Variants in PARD3B observed in about 807,000 individuals in gnomAD.
PARD3B encodes the protein par-3 family cell polarity regulator beta, also known as partitioning defective 3 homolog B.
In PARD3B, 103 loss-of-function variants were observed where a neutral mutation model predicts 130.2. The ratio of observed to expected loss-of-function variants is 0.79; its 90% CI spans 0.67 to 0.93. PARD3B has a LOEUF of 0.93. Among genes scored for constraint, PARD3B ranks in the 40% least tolerant of loss-of-function variants. The pLI is 0.00. For synonymous variants in PARD3B, 583 were observed against 553.2 expected, an observed-to-expected ratio of 1.05 and a Z score of -0.76; for missense variants, 1,609 against 1,499.2, an observed-to-expected ratio of 1.07 and a Z score of -1.21.
At position 204,650,841 on chromosome 2, in the gene PARD3B, A is replaced by T. The variant is rs139956074; in HGVS notation, c.121-35340A>T. 3.3e-5 allele frequency among the ~76,000 whole-genome samples: 5 copies of T among 152,208 alleles called. No homozygotes were observed. The South Asian group carries it at 1.0e-3, about 32-fold the overall frequency. On this transcript the variant is annotated intron_variant, in intron 1 of 22. Transcript: ENST00000406610. Reference sequence around the variant, plus strand: ...GGGAGGCCTCAGGACTCTTATGATCATGGTGGAAAATGAAGGGAAGGCAAG... The same window carrying T: ...GGGAGGCCTCAGGACTCTTATGATCTTGGTGGAAAATGAAGGGAAGGCAAG...
At chr2:205,234,570 T>C (rs1162011798) in intron 15 of PARD3B, among the ~76,000 whole-genome samples, 1 of 151,928 alleles carries the variant, frequency 6.6e-6, no homozygotes, top group Admixed American at 6.6e-5. Flanking sequence ...ACAGGAAAAA[T>C]AGGCAAATCC....
intron 22 of PARD3B, among the ~76,000 whole-genome samples, chr2:205,609,953 G>C (rs957730406): frequency 6.6e-6 from 1 of 152,150 alleles, no homozygotes; most frequent in Non-Finnish European, 1.5e-5. Context: ...TGTATTGCAA[G>C]AATCTGTCAC....
rs1315763567 is a variant in PARD3B at position 205,121,773 on chromosome 2, C to T, written c.989C>T (p.Thr330Ile). The change falls in exon 8 of 23, where the codon ACA becomes ATA. Residue 330 changes from threonine (T) to isoleucine (I), a missense_variant. Coordinates refer to ENST00000406610, the MANE Select transcript of PARD3B (RefSeq NM_001302769.2). The surrounding 1 kb of genome is among the most constrained non-coding windows in gnomAD (Gnocchi z 5.0). Reference protein sequence around the residue: ...PPVHGKSGLKTANLTGTDSPE... With the variant: ...PPVHGKSGLKIANLTGTDSPE... The stretch of plus-strand genomic sequence containing the variant: ...GTCCATGGAAAATCGGGACTAAAGA[C>T]AGCAAATCTCACAGGAACCGATAGT... The T allele has an allele frequency of 2.5e-6, 4 of 1,614,108 alleles. No individual in the cohort carries two copies. In the Admixed American group the frequency reaches 5.0e-5, roughly 20 times the overall value.
chr2:205,199,076 A>G lies in PARD3B; in HGVS notation c.2140+5756A>G, dbSNP rs927462053. On this transcript the variant is annotated intron_variant, in intron 15 of 22. Coordinates refer to ENST00000406610, the MANE Select transcript of PARD3B (RefSeq NM_001302769.2). ...AGTATACAAAGATGAAGTCAGCTAT[A>G]TACTTTAAGCTCTAGTAAGTCAAAA... Among the ~76,000 whole-genome samples the G allele has an allele frequency of 1.4e-4, 21 of 152,174 alleles. 1 individual carries two copies. Among genetic ancestry groups the G allele is most frequent in the Admixed American group, 1.3e-3 (20 of 15,262 alleles).
chr2:205,524,247 T>C (rs891123802), intron 21 of PARD3B, among the ~76,000 whole-genome samples: 21 of 152,198 alleles, frequency 1.4e-4, no homozygotes, highest in Admixed American at 1.3e-4. Context: ...TTTCTGCTGT[T>C]TTCTTGCTTG....
At chr2:204,733,970 AG>A (rs2039632780) in intron 2 of PARD3B, among the ~76,000 whole-genome samples, 1 of 152,194 alleles carries the variant, frequency 6.6e-6, no homozygotes, top group Admixed American at 6.5e-5. Context: ...GAACTGCAGA[AG>A]AAAATGATAA....
intron 21 of PARD3B, among the ~76,000 whole-genome samples, chr2:205,508,696 A>C (rs1438100850): frequency 6.6e-6 from 1 of 152,134 alleles, no homozygotes; most frequent in Admixed American, 6.5e-5. Flanking sequence ...GTTCCCTCCC[A>C]GTGGCTGACT....
At chr2:204,626,013 G>A (rs1323753182) in intron 1 of PARD3B, among the ~76,000 whole-genome samples, 1 of 152,130 alleles carries the variant, frequency 6.6e-6, no homozygotes, top group Non-Finnish European at 1.5e-5. Flanking sequence ...GAGATAAGTG[G>A]TAGCTTTAAT....
chr2:205,154,130 T>A (rs1343031864), intron 10 of PARD3B, among the ~76,000 whole-genome samples: 1 of 151,738 alleles, frequency 6.6e-6, no homozygotes, highest in African/African-American at 2.4e-5. Context: ...TGGGAGAAAA[T>A]TTTTGCAATC....
chr2:205,101,108 T>C (rs975434858), intron 4 of PARD3B, among the ~76,000 whole-genome samples: 5 of 152,092 alleles, frequency 3.3e-5, no homozygotes, highest in Non-Finnish European at 7.4e-5. Flanking sequence ...AATTTGTATA[T>C]GGAATATTTA....
chr2:204,862,707 C>A lies in PARD3B; in HGVS notation c.223-102445C>A, dbSNP rs532723411. ...CTTGTCACCAGAGCCTCACTTTTTC[C>A]AGGACATCCCTTTTCCCCTCTACTG... On this transcript the variant is annotated intron_variant, in intron 2 of 22. Transcript: ENST00000406610. Among the ~76,000 whole-genome samples the A allele has an allele frequency of 3.9e-5, 6 of 152,274 alleles. No homozygotes were observed. The South Asian group carries it at 1.2e-3, about 32-fold the overall frequency.
intron 1 of PARD3B, among the ~76,000 whole-genome samples, chr2:204,628,978 C>T (rs374446777): frequency 5.3e-5 from 8 of 152,126 alleles, no homozygotes; most frequent in South Asian, 4.1e-4. Context: ...ATTTGTTTCA[C>T]TGTAGTGTCA....
rs542536641 is a variant in PARD3B at position 205,300,963 on chromosome 2, G to T, written c.2392+227G>T. 3.9e-5 allele frequency among the ~76,000 whole-genome samples: 6 copies of T among 152,354 alleles called. No individual in the cohort carries two copies. The East Asian group carries it at 9.6e-4, about 24-fold the overall frequency. ...TTTTACAGTGCAAGGCTAAATAAAT[G>T]TTCTCCTTCACTTTTCTACAAGGAC... is the stretch of plus-strand genomic sequence containing the variant. On this transcript the variant is annotated intron_variant, in intron 17 of 22. Transcript: ENST00000406610. This position sits in a 1 kb window ranked among gnomAD's most constrained non-coding sequence, Gnocchi z 4.1.
chr2:205,450,631 A>G (rs1174811674), intron 20 of PARD3B, among the ~76,000 whole-genome samples: 1 of 151,514 alleles, frequency 6.6e-6, no homozygotes, highest in Admixed American at 6.6e-5. Context: ...CTGCCACCAC[A>G]TCCGGCTAAT....
chr2:204,553,258 T>C (rs1466963763), intron 1 of PARD3B, among the ~76,000 whole-genome samples: 1 of 151,878 alleles, frequency 6.6e-6, no homozygotes, highest in Non-Finnish European at 1.5e-5. Flanking sequence ...TTTAAAAAAA[T>C]AGGTGTTGGT....
At chr2:204,655,644 G>C (rs1382931453) in intron 1 of PARD3B, among the ~76,000 whole-genome samples, 2 of 152,184 alleles carry the variant, frequency 1.3e-5, no homozygotes, top group East Asian at 3.9e-4. Flanking sequence ...ACTATGTTTA[G>C]TTGTCCTATG....
intron 2 of PARD3B, among the ~76,000 whole-genome samples, chr2:204,735,764 T>C (rs1055628378): frequency 6.6e-6 from 1 of 152,192 alleles, no homozygotes; most frequent in South Asian, 2.1e-4. Context: ...TTGACGAGAC[T>C]GTTTTTATTC....
chr2:204,702,975 A>G (rs2037965741), intron 2 of PARD3B, among the ~76,000 whole-genome samples: 1 of 152,196 alleles, frequency 6.6e-6, no homozygotes, highest in Non-Finnish European at 1.5e-5. Context: ...TGTAATTGGA[A>G]TATTCTTCAT....
chr2:205,290,728 A>C (rs1027533375), intron 16 of PARD3B, among the ~76,000 whole-genome samples: 80 of 152,320 alleles, frequency 5.3e-4, no homozygotes, highest in African/African-American at 1.9e-3. Context: ...GTTTCCCCCA[A>C]AAAATCATAC....
Sources: allele counts gnomAD v4.1 joint callset (sites outside exome capture counted in the v4.1 genomes callset), GRCh38; gene constraint gnomAD v4.1.1; non-coding constraint Gnocchi (gnomAD v3.1); transcripts MANE v1.5; gene names NCBI Gene and HGNC (gene_info 2026-07-23, HGNC 2026-07-21).